Variants in CCDC81 observed in about 807,000 individuals in gnomAD.
CCDC81 encodes coiled-coil domain containing 81.
A neutral mutation model predicts 83.7 loss-of-function variants in CCDC81; 79 were observed. The observed-to-expected ratio is 0.94, with a 90% CI of 0.79 to 1.14. CCDC81 has a LOEUF of 1.14. CCDC81 is among the 50% of genes most tolerant of loss of function. The pLI is 0.00. For missense variants in CCDC81, 791 were observed against 778.1 expected (o/e 1.02, Z -0.20); for synonymous variants, 252 against 278.1 (o/e 0.91, Z 0.93).
intron 6 of CCDC81, among the ~76,000 whole-genome samples, chr11:86,399,525 A>G (rs1948455710): frequency 6.6e-6 from 1 of 152,038 alleles, no homozygotes; most frequent in African/African-American, 2.4e-5. Flanking sequence ...CATGTCGCCT[A>G]GGCTGGTTTT....
chr11:86,416,634 G>A (rs1948723391), intron 13 of CCDC81, among the ~76,000 whole-genome samples: 1 of 152,200 alleles, frequency 6.6e-6, no homozygotes, highest in African/African-American at 2.4e-5. Context: ...GTATGTGAGA[G>A]CATTTTCGGA....
chr11:86,392,851 A>G, intron 4 of CCDC81, 54 bp downstream of exon 4: 1 of 1,501,858 alleles, frequency 6.7e-7, no homozygotes, highest in East Asian at 2.5e-5. Context: ...GTTCTGACTC[A>G]TCTATAGGTG....
chr11:86,390,510 G>T (rs1201793763), intron 3 of CCDC81, among the ~76,000 whole-genome samples: 4 of 152,106 alleles, frequency 2.6e-5, no homozygotes, highest in Non-Finnish European at 5.9e-5. Flanking sequence ...TTTGAGCAGG[G>T]AATTATCTGT....
chr11:86,385,667 T>C lies in CCDC81; in HGVS notation c.80-384T>C, dbSNP rs549905693. 5.3e-5 allele frequency among the ~76,000 whole-genome samples: 8 copies of C among 152,346 alleles called. No homozygotes were observed. The East Asian group carries it at 1.5e-3, about 29-fold the overall frequency. On this transcript the variant is annotated intron_variant, in intron 1 of 14. Transcript: ENST00000445632. Reference sequence around the variant, plus strand: ...TGGAATGGTGTGAGAATGAACGTTCTTATTAATCAGATGGCACAGAATAGA... The same window carrying C: ...TGGAATGGTGTGAGAATGAACGTTCCTATTAATCAGATGGCACAGAATAGA...
At position 86,420,019 on chromosome 11, in the gene CCDC81, A is replaced by C. The variant is rs146435561; in HGVS notation, c.1783A>C (p.Lys595Gln). 21 of 1,613,860 alleles carry C rather than the reference A, an allele frequency of 1.3e-5. No homozygotes were observed. Among genetic ancestry groups the C allele is most frequent in the Middle Eastern group, 1.7e-4 (1 of 6,054 alleles). Residue 595 changes from lysine to glutamine, a missense_variant, in exon 14 of 15, where the codon AAG (lysine) becomes CAG (glutamine). Transcript: ENST00000445632. ...CTGGGAAAGGAGTGCTGCGATGAAG[A>C]AGCAGCGAGACCTGGAGGACAAGGC... Reference protein sequence around the residue: ...EDWERSAAMKKQRDLEDKAFE... With the variant: ...EDWERSAAMKQQRDLEDKAFE...
Position 86,387,685 on chromosome 11 carries a change from G to A in CCDC81, c.298+13G>A. On this transcript the variant is annotated intron_variant, in intron 3 of 14. Transcript: ENST00000445632. ...GTATATACTCCTGGTAAATAATTCT[G>A]ATATGTAGGATTTTCCCAGAAGGTT... 6.4e-7 allele frequency: 1 copy of A among 1,568,200 alleles called. No homozygotes were observed. Among genetic ancestry groups the A allele is most frequent in the Non-Finnish European group, 8.7e-7 (1 of 1,146,642 alleles).
intron 6 of CCDC81, 115 bp from the exon 7 acceptor site, chr11:86,400,563 T>C: frequency 1.9e-6 from 2 of 1,039,688 alleles, no homozygotes; most frequent in Non-Finnish European, 2.8e-6. Context: ...CAAGGGGTGA[T>C]TATTTAAAGA....
At chr11:86,386,778 T>A (rs1352018136) in intron 2 of CCDC81, among the ~76,000 whole-genome samples, 1 of 152,220 alleles carries the variant, frequency 6.6e-6, no homozygotes, top group Non-Finnish European at 1.5e-5. Context: ...ATGTTTTGGA[T>A]TTTTTCCCTC....
intron 9 of CCDC81, 56 bp from the exon 10 acceptor site, chr11:86,409,205 A>C: frequency 1.1e-6 from 1 of 879,082 alleles, no homozygotes; most frequent in South Asian, 2.9e-5. Context: ...TGGGGGCTCC[A>C]CTTCAATATG....
chr11:86,396,312 G>C (rs1326527237), intron 5 of CCDC81, among the ~76,000 whole-genome samples: 1 of 152,080 alleles, frequency 6.6e-6, no homozygotes, highest in Non-Finnish European at 1.5e-5. Flanking sequence ...GAAGCAACAT[G>C]GTGCACTATT....
At chr11:86,401,730 G>A (rs572838469) in intron 7 of CCDC81, among the ~76,000 whole-genome samples, 8 of 152,146 alleles carry the variant, frequency 5.3e-5, no homozygotes, top group East Asian at 3.9e-4. Context: ...AAATGCATGC[G>A]ACGAAGACAA....
At chr11:86,407,842 T>C in intron 8 of CCDC81, 141 bp downstream of exon 8, 1 of 687,748 alleles carries the variant, frequency 1.5e-6, no homozygotes, top group South Asian at 2.0e-5. Context: ...AACTAGACTG[T>C]GATAAATCTA....
At chr11:86,399,617 A>G (rs777702376) in intron 6 of CCDC81, among the ~76,000 whole-genome samples, 3 of 151,730 alleles carry the variant, frequency 2.0e-5, no homozygotes, top group African/African-American at 4.8e-5. Flanking sequence ...TGCTTGGCCT[A>G]TTCATGCTCT....
At chr11:86,388,907 T>C (rs1307964429) in intron 3 of CCDC81, among the ~76,000 whole-genome samples, 2 of 152,144 alleles carry the variant, frequency 1.3e-5, no homozygotes, top group African/African-American at 4.8e-5. Flanking sequence ...AAAAAAGTAG[T>C]TTAGATCTAA....
intron 7 of CCDC81, among the ~76,000 whole-genome samples, chr11:86,405,830 T>C (rs924160150): frequency 6.6e-6 from 1 of 151,716 alleles, no homozygotes; most frequent in Non-Finnish European, 1.5e-5. Context: ...TGGCGTGATC[T>C]TGGCTCACCG....
intron 7 of CCDC81, 130 bp from the exon 8 acceptor site, chr11:86,407,484 C>T (rs543808847): frequency 1.5e-6 from 1 of 653,352 alleles, no homozygotes; most frequent in Non-Finnish European, 2.7e-6. Flanking sequence ...TTCTTAACCT[C>T]TATACATATA....
At chr11:86,419,496 T>C (rs1423464275) in intron 13 of CCDC81, 2 of 152,628 alleles carry the variant, frequency 1.3e-5, no homozygotes, top group Non-Finnish European at 2.9e-5. Flanking sequence ...TTTGTAGACT[T>C]TCATTTGTAT....
chr11:86,389,923 G>A (rs967474186), intron 3 of CCDC81, among the ~76,000 whole-genome samples: 8 of 152,060 alleles, frequency 5.3e-5, no homozygotes, highest in African/African-American at 4.8e-5. Context: ...GGCCAACATG[G>A]TGAAACCCCA....
intron 2 of CCDC81, 122 bp from the exon 3 acceptor site, chr11:86,387,394 A>G: frequency 1.2e-6 from 1 of 808,556 alleles, no homozygotes; most frequent in Non-Finnish European, 2.0e-6. Flanking sequence ...AGAGTCCTAG[A>G]GATCACTGAA....
Sources: gnomAD v4.1 joint callset for allele counts (sites outside exome capture counted in the v4.1 genomes callset) on GRCh38, gnomAD v4.1.1 for gene constraint, MANE v1.5 for transcripts, NCBI Gene and HGNC (gene_info 2026-07-23, HGNC 2026-07-21) for gene names.